The following COL21A1 variants were observed in gnomAD, a reference collection of about 807,000 sequenced individuals.
The protein encoded by COL21A1 is collagen type XXI alpha 1 chain.
Under a neutral mutation model 137.9 loss-of-function variants are expected in COL21A1, and 149 were observed. The observed-to-expected ratio is 1.08, with a 90% confidence interval of 0.95 to 1.24. The LOEUF (loss-of-function observed/expected upper bound fraction) is 1.24. Ranked by LOEUF, COL21A1 falls within the 50% of genes most tolerant of loss-of-function variation. The pLI is 0.00. For missense variants in COL21A1, 1,167 were observed against 1,158.4 expected (o/e 1.01, Z -0.11); for synonymous variants, 456 against 391.5 (o/e 1.16, Z -1.95).
intron 12 of COL21A1, among the ~76,000 whole-genome samples, chr6:56,141,258 T>TA (rs1194167418): frequency 1.3e-5 from 2 of 152,286 alleles, no homozygotes; most frequent in South Asian, 2.1e-4. Context: ...TATTCAGCTA[T>TA]AAAAAAGAAG....
At chr6:56,241,998 C>A (rs796948430) in intron 1 of COL21A1, among the ~76,000 whole-genome samples, 1 of 152,160 alleles carries the variant, frequency 6.6e-6, no homozygotes, top group Admixed American at 6.5e-5. Context: ...CCTAAGATAG[C>A]CAACCACTTG....
intron 1 of COL21A1, among the ~76,000 whole-genome samples, chr6:56,219,633 G>A (rs566510445): frequency 1.3e-5 from 2 of 152,196 alleles, no homozygotes; most frequent in Admixed American, 6.5e-5. Flanking sequence ...TTGCAATAAA[G>A]CATCTACTGC....
At chr6:56,221,343 C>T (rs1415650533) in intron 1 of COL21A1, among the ~76,000 whole-genome samples, 1 of 152,106 alleles carries the variant, frequency 6.6e-6, no homozygotes, top group African/African-American at 2.4e-5. Context: ...GTTTGTAAGT[C>T]TTAGGTTCCA....
chr6:56,126,333 A>G, intron 12 of COL21A1, 184 bp from the exon 13 acceptor site: 1 of 537,722 alleles, frequency 1.9e-6, no homozygotes, highest in South Asian at 2.4e-5. Flanking sequence ...TTTCATTTAT[A>G]ATCAGAGAAG....
chr6:56,144,280 G>C (rs1434324438), intron 10 of COL21A1, among the ~76,000 whole-genome samples: 1 of 152,180 alleles, frequency 6.6e-6, no homozygotes, highest in Admixed American at 6.5e-5. Flanking sequence ...TAAGTTGATA[G>C]AGCCAGTGGG....
In COL21A1 at chr6:56,355,626, G is replaced by T. The variant is rs568050239; in HGVS notation, c.-39+38345C>A. On this transcript the variant is annotated intron_variant, in intron 1 of 28. Coordinates refer to the COL21A1 transcript ENST00000370819. ...TTAAGGAAATAGTGCTCATTTTTAA[G>T]GTATGATAATGGTATTGTGATTTTT... Among the ~76,000 whole-genome samples the T allele has an allele frequency of 5.3e-5, 8 of 152,268 alleles. No homozygotes were observed. In the South Asian group the frequency reaches 1.7e-3, roughly 32 times the overall value.
chr6:56,376,541 A>G lies in COL21A1; in HGVS notation c.-39+17430T>C, dbSNP rs184270507. 4.2e-3 allele frequency among the ~76,000 whole-genome samples: 640 copies of G among 152,168 alleles called. 5 individuals carry two copies. The highest frequency in any genetic ancestry group is 0.013 in the African/African-American group (558 of 41,516). On this transcript the variant is annotated intron_variant, in intron 1 of 28. Transcript: ENST00000370819. Reference sequence around the variant, plus strand: ...TTTCAACCTGCCAGAGAACAAAGAGAGGCAGGCTCTAGCAAGTTGAACTTG... The same window carrying G: ...TTTCAACCTGCCAGAGAACAAAGAGGGGCAGGCTCTAGCAAGTTGAACTTG...
chr6:56,274,743 T>C (rs141272114), intron 1 of COL21A1, among the ~76,000 whole-genome samples: 60 of 151,784 alleles, frequency 4.0e-4, no homozygotes, highest in Middle Eastern at 6.8e-3. Flanking sequence ...AATGGAAAAA[T>C]ATTCCATGCC....
rs922501373 is a variant in COL21A1, at chr6:56,295,612, C to A, written c.-39+98359G>T. 5.1e-5 allele frequency among the ~76,000 whole-genome samples: 5 copies of A among 98,854 alleles called. No homozygotes were observed. The Admixed American group carries it at 5.3e-4, about 10-fold the overall frequency. The allele number at this position is 98,854 out of a possible 152,430, so 64.9% of individuals were successfully genotyped here. A position where few individuals can be genotyped will look rare whatever the true frequency, so the allele number is the denominator to read the frequency against. ...CATTTATTTAGATTTTCTTTGATTT[C>A]TTTCATCAGAGTTTTGTACTTTTCC... is the stretch of plus-strand genomic sequence containing the variant. On this transcript the variant is annotated intron_variant, in intron 1 of 28. Coordinates refer to the COL21A1 transcript ENST00000370819.
At chr6:56,285,446 G>T (rs1273842175) in intron 1 of COL21A1, among the ~76,000 whole-genome samples, 1 of 152,146 alleles carries the variant, frequency 6.6e-6, no homozygotes, top group Non-Finnish European at 1.5e-5. Flanking sequence ...AGTAGCATTT[G>T]TCCTGAGCAA....
chr6:56,073,619 C>G (rs891036352), intron 20 of COL21A1, among the ~76,000 whole-genome samples: 32 of 151,234 alleles, frequency 2.1e-4, no homozygotes, highest in Admixed American at 8.6e-4. Context: ...TCTGGTTAAC[C>G]AAGAAAACAA....
intron 1 of COL21A1, among the ~76,000 whole-genome samples, chr6:56,315,380 C>T (rs1764707975): frequency 6.6e-6 from 1 of 152,192 alleles, no homozygotes; most frequent in Non-Finnish European, 1.5e-5. Context: ...ATGACAGCTA[C>T]ACCGATAAGA....
chr6:56,292,361 T>A (rs900523085), intron 1 of COL21A1, among the ~76,000 whole-genome samples: 2 of 151,550 alleles, frequency 1.3e-5, no homozygotes, highest in Non-Finnish European at 2.9e-5. Flanking sequence ...TGAATTTATA[T>A]ATGGTGTAAT....
chr6:56,096,037 G>A (rs1161134915), intron 17 of COL21A1, among the ~76,000 whole-genome samples: 2 of 151,922 alleles, frequency 1.3e-5, no homozygotes, highest in Admixed American at 1.3e-4. Context: ...AGTAGAGATG[G>A]GATTTCACCA....
At chr6:56,141,567 C>T (rs1227968640) in intron 12 of COL21A1, among the ~76,000 whole-genome samples, 1 of 152,130 alleles carries the variant, frequency 6.6e-6, no homozygotes, top group East Asian at 1.9e-4. Context: ...TAGGGCAATG[C>T]CAAAGTCTGT....
rs376475214 is a variant in COL21A1, at chr6:56,179,657, C to G, written c.561G>C (p.Ser187=). ...CTTCCACATAAAACACATAAGTAGA[C>G]GAAGGCTTGTTGGCAATAGCTCTAA... ...AELRAIANKP[S]STYVFYVEDY... Residue 187 remains serine, a synonymous_variant, in exon 3 of 30, where the codon TCG becomes TCC. Coordinates refer to ENST00000244728, the MANE Select transcript of COL21A1 (RefSeq NM_030820.4). The G allele has an allele frequency of 6.2e-7, 1 of 1,613,744 alleles. No individual in the cohort carries two copies. Among genetic ancestry groups the G allele is most frequent in the Non-Finnish European group, 8.5e-7 (1 of 1,179,844 alleles).
chr6:56,177,610 C>T (rs1392058394), intron 3 of COL21A1, among the ~76,000 whole-genome samples: 2 of 151,770 alleles, frequency 1.3e-5, no homozygotes, highest in Non-Finnish European at 2.9e-5. Context: ...CTGGCTAACA[C>T]GGTGAAACCC....
intron 1 of COL21A1, among the ~76,000 whole-genome samples, chr6:56,266,865 T>G (rs1454049930): frequency 6.6e-6 from 1 of 152,258 alleles, no homozygotes; most frequent in Non-Finnish European, 1.5e-5. Flanking sequence ...AATTTTACTA[T>G]TCCTTTCCTT....
intron 17 of COL21A1, chr6:56,091,577 T>TC (rs1030876960): frequency 2.0e-5 from 3 of 152,620 alleles, no homozygotes; most frequent in African/African-American, 7.2e-5. Flanking sequence ...TAGAACCCAG[T>TC]CCCTGCCTAC....
Sources: allele counts gnomAD v4.1 joint callset (sites outside exome capture counted in the v4.1 genomes callset), GRCh38; gene constraint gnomAD v4.1.1; transcripts MANE v1.5; gene names NCBI Gene and HGNC (gene_info 2026-07-23, HGNC 2026-07-21).